TSHR: variants seen among roughly 807,000 people sequenced by gnomAD.
TSHR encodes thyroid stimulating hormone receptor, also known as thyrotropin receptor.
A neutral mutation model predicts 64.1 loss-of-function variants in TSHR; 51 were observed. The ratio of observed to expected loss-of-function variants is 0.80; its 90% CI spans 0.64 to 1.01. TSHR has a LOEUF of 1.01. Among genes scored for constraint, TSHR ranks in the 50% least tolerant of loss-of-function variants. The pLI is 0.00. For missense variants in TSHR, 877 were observed against 942.8 expected (o/e 0.93, Z 0.91); for synonymous variants, 361 against 361.9 (o/e 1.00, Z 0.03).
At chr14:80,991,511 G>A (rs1454801045) in intron 1 of TSHR, 8 of 397,886 alleles carry the variant, frequency 2.0e-5, no homozygotes, top group African/African-American at 4.1e-5. Flanking sequence ...TATTATTAAC[G>A]CAACCATTCT....
chr14:81,023,981 A>T (rs1883911854), intron 1 of TSHR, among the ~76,000 whole-genome samples: 1 of 152,186 alleles, frequency 6.6e-6, no homozygotes, highest in Non-Finnish European at 1.5e-5. Context: ...ATTTTAAAAA[A>T]TTAAAATCTA....
chr14:81,023,360 A>G (rs1414513229), intron 1 of TSHR, among the ~76,000 whole-genome samples: 1 of 152,102 alleles, frequency 6.6e-6, no homozygotes, highest in Non-Finnish European at 1.5e-5. Flanking sequence ...CCCACAGCAC[A>G]TGGGAATTCA....
chr14:80,969,109 G>A (rs578085384), intron 1 of TSHR, among the ~76,000 whole-genome samples: 1 of 152,278 alleles, frequency 6.6e-6, no homozygotes, highest in South Asian at 2.1e-4. Context: ...GCATATGTTG[G>A]CTATTGATTC....
intron 8 of TSHR, among the ~76,000 whole-genome samples, chr14:81,129,492 C>T (rs1437211210): frequency 2.0e-5 from 3 of 152,184 alleles, no homozygotes; most frequent in African/African-American, 7.2e-5. Context: ...TGCAGCTGAA[C>T]ATAGCAAGTG....
intron 7 of TSHR, chr14:81,104,256 G>A: frequency 1.0e-6 from 1 of 985,404 alleles, no homozygotes; most frequent in African/African-American, 1.7e-5. Context: ...GGTAGGCAGG[G>A]GGTCCCTTTA....
intron 7 of TSHR, chr14:81,106,946 A>G (rs1889935442): frequency 6.6e-6 from 1 of 152,430 alleles, no homozygotes; most frequent in Non-Finnish European, 1.5e-5. Context: ...CTCAAAAAAA[A>G]AAAAAAAAAG....
At position 81,142,995 on chromosome 14, in the gene TSHR, A is replaced by G; in HGVS notation, c.937A>G (p.Lys313Glu). Reference protein sequence around the residue: ...ESSMQSLRQRKSVNALNSPLH... With the variant: ...ESSMQSLRQRESVNALNSPLH... ...CAGTATGCAGAGCTTGCGCCAGAGA[A>G]AATCTGTGAATGCCTTGAATAGCCC... The change falls in exon 10 of 10, where the codon AAA (lysine) becomes GAA (glutamate). Residue 313 changes from lysine to glutamate, a missense_variant. Transcript: ENST00000298171. The G allele has an allele frequency of 6.2e-7, 1 of 1,614,178 alleles. No individual in the cohort carries two copies. The highest frequency in any genetic ancestry group is 8.5e-7 in the Non-Finnish European group (1 of 1,180,038).
At chr14:81,002,101 A>AC (rs1366165049) in intron 1 of TSHR, among the ~76,000 whole-genome samples, 1 of 152,152 alleles carries the variant, frequency 6.6e-6, no homozygotes, top group Non-Finnish European at 1.5e-5. Context: ...CATATTTACT[A>AC]TAAAAATATC....
At chr14:80,960,960 C>A (rs1886990777) in intron 1 of TSHR, among the ~76,000 whole-genome samples, 4 of 152,238 alleles carry the variant, frequency 2.6e-5, no homozygotes, top group African/African-American at 9.6e-5. Flanking sequence ...CCAACTGTCC[C>A]TGTCTCTTTA....
At chr14:80,961,694 G>C (rs115153092) in intron 1 of TSHR, among the ~76,000 whole-genome samples, 1 of 152,082 alleles carries the variant, frequency 6.6e-6, no homozygotes, top group Non-Finnish European at 1.5e-5. Context: ...AGCTGGCTTC[G>C]TAAATTAATA....
chr14:81,069,889 A>G (rs74872545), intron 3 of TSHR, among the ~76,000 whole-genome samples: 5,436 of 152,282 alleles, frequency 0.036, 347 homozygotes, highest in African/African-American at 0.12. Context: ...AAAATAACTA[A>G]CATGTTCAAA....
At chr14:80,974,751 G>T (rs764186129) in intron 1 of TSHR, among the ~76,000 whole-genome samples, 5 of 152,128 alleles carry the variant, frequency 3.3e-5, no homozygotes, top group African/African-American at 4.8e-5. Flanking sequence ...AAAATAGGGT[G>T]GCTTGGAGGG....
chr14:80,963,468 C>A (rs571632171), intron 1 of TSHR, among the ~76,000 whole-genome samples: 110 of 152,132 alleles, frequency 7.2e-4, no homozygotes, highest in Non-Finnish European at 1.3e-3. Flanking sequence ...CAACAAAAAA[C>A]AGATTGACAA....
chr14:81,018,329 G>C (rs894463518), intron 1 of TSHR, among the ~76,000 whole-genome samples: 4 of 152,048 alleles, frequency 2.6e-5, no homozygotes, highest in African/African-American at 9.7e-5. Context: ...ATTTCATTTG[G>C]TATATCTGAG....
At chr14:80,965,649 T>G (rs1481441448) in intron 1 of TSHR, among the ~76,000 whole-genome samples, 1 of 152,236 alleles carries the variant, frequency 6.6e-6, no homozygotes, top group Non-Finnish European at 1.5e-5. Context: ...TTTGAAAATT[T>G]TAAGAATGAG....
At chr14:81,075,646 T>G (rs1265106976) in intron 3 of TSHR, among the ~76,000 whole-genome samples, 1 of 77,836 alleles carries the variant, frequency 1.3e-5, no homozygotes, top group Non-Finnish European at 2.4e-5. Flanking sequence ...CCCTCCCCCC[T>G]CCCCCCACCC....
chr14:81,083,449 AT>A (rs1390010471), intron 3 of TSHR, among the ~76,000 whole-genome samples: 7 of 147,342 alleles, frequency 4.8e-5, no homozygotes, highest in Non-Finnish European at 7.4e-5. Flanking sequence ...CTGCTGGATG[AT>A]TTCCTTGAAA....
chr14:81,004,643 A>C (rs1454073494), intron 1 of TSHR, among the ~76,000 whole-genome samples: 2 of 152,166 alleles, frequency 1.3e-5, no homozygotes, highest in Non-Finnish European at 2.9e-5. Flanking sequence ...TACTGGGCCC[A>C]GTTTATGTCC....
chr14:81,080,736 T>C (rs772008478), intron 3 of TSHR, among the ~76,000 whole-genome samples: 1 of 152,152 alleles, frequency 6.6e-6, no homozygotes, highest in African/African-American at 2.4e-5. Flanking sequence ...TCCTCGATAA[T>C]GTAGGAAATA....
Sources: allele counts gnomAD v4.1 joint callset (sites outside exome capture counted in the v4.1 genomes callset), GRCh38; gene constraint gnomAD v4.1.1; transcripts MANE v1.5; gene names NCBI Gene and HGNC (gene_info 2026-07-23, HGNC 2026-07-21).